The following KIF1A variants were observed in gnomAD, a reference collection of about 807,000 sequenced individuals.
The protein encoded by KIF1A is kinesin-like protein KIF1A.
Under a neutral mutation model 227.3 loss-of-function variants are expected in KIF1A, and 46 were observed. The ratio of observed to expected loss-of-function variants is 0.20; its 90% CI spans 0.16 to 0.26. The LOEUF is 0.26. Among genes scored for constraint, KIF1A ranks in the 10% least tolerant of loss-of-function variants. KIF1A has a pLI of 1.00. For synonymous variants in KIF1A, 1,022 were observed against 1,012.8 expected (o/e 1.01, Z -0.17); for missense variants, 1,683 against 2,485.9 (o/e 0.68, Z 6.87).
In KIF1A at chr2:240,739,415, C is replaced by A. The variant is rs1239498056; in HGVS notation, c.3901+643G>T. Among the ~76,000 whole-genome samples, 1 of 152,158 alleles carries A rather than the reference C, an allele frequency of 6.6e-6. No homozygotes were observed. Among genetic ancestry groups the A allele is most frequent in the Non-Finnish European group, 1.5e-5 (1 of 68,038 alleles). On this transcript the variant is annotated intron_variant, in intron 37 of 48. Coordinates refer to ENST00000498729, the MANE Select transcript of KIF1A (RefSeq NM_001244008.2). The surrounding 1 kb of genome is among the most constrained non-coding windows in gnomAD (Gnocchi z 5.6). ...GTGATGGTTATGGGAGGAATTGTGT[C>A]CCCGAAAAATATACGTGGAAGTCCT...
intron 1 of KIF1A, 146 bp from the exon 2 acceptor site, chr2:240,797,958 G>A (rs1402769723): frequency 1.5e-5 from 8 of 529,362 alleles, no homozygotes; most frequent in African/African-American, 3.8e-5. Context: ...CACAAGGAGA[G>A]GAGGCAGCGC....
intron 4 of KIF1A, among the ~76,000 whole-genome samples, chr2:240,787,685 T>C (rs1049315424): frequency 1.3e-5 from 2 of 152,170 alleles, no homozygotes; most frequent in Admixed American, 1.3e-4. Context: ...AATGAGGAGC[T>C]GCTGGGTCTG....
chr2:240,734,413 G>A, intron 38 of KIF1A, among the ~76,000 whole-genome samples: 1 of 152,192 alleles, frequency 6.6e-6, no homozygotes, highest in African/African-American at 2.4e-5. Flanking sequence ...GGCAGGAGGA[G>A]CAGGAGGCCA....
intron 28 of KIF1A, among the ~76,000 whole-genome samples, chr2:240,748,982 G>A (rs1036107693): frequency 2.0e-5 from 3 of 152,050 alleles, no homozygotes; most frequent in Admixed American, 6.6e-5. Context: ...TTAGCTGGGC[G>A]TGATGACGCA....
intron 27 of KIF1A, among the ~76,000 whole-genome samples, chr2:240,755,330 G>A (rs2049717189): frequency 6.6e-6 from 1 of 152,264 alleles, no homozygotes; most frequent in South Asian, 2.1e-4. Flanking sequence ...GAGGCAGACA[G>A]AGCGAGGGCT....
intron 9 of KIF1A, 22 bp from the exon 10 acceptor site, chr2:240,782,629 G>A (rs1345116772): frequency 2.6e-6 from 4 of 1,546,322 alleles, no homozygotes; most frequent in South Asian, 2.4e-5. Context: ...AAGACAGAGA[G>A]AGGCTGAGGC....
chr2:240,796,181 GTTCGCACCTGAGGTCACAT>G (rs1364785616), intron 2 of KIF1A, among the ~76,000 whole-genome samples: 1 of 152,196 alleles, frequency 6.6e-6, no homozygotes, highest in Non-Finnish European at 1.5e-5. Flanking sequence ...CAGAGCCATG[GTTCGCACCTGAGGTCACAT>G]TTCCCACCTG....
At chr2:240,772,622 G>C in intron 13 of KIF1A, 26 bp from the exon 14 acceptor site, 9 of 1,523,578 alleles carry the variant, frequency 5.9e-6, no homozygotes, top group South Asian at 1.2e-5. Context: ...GCGTGGGGGA[G>C]GGGGAGAGAC....
chr2:240,720,462 T>G (rs1329424304), intron 45 of KIF1A, among the ~76,000 whole-genome samples: 18 of 152,146 alleles, frequency 1.2e-4, no homozygotes. Flanking sequence ...TTAAGGCGCT[T>G]AAAACAAGAG....
intron 12 of KIF1A, among the ~76,000 whole-genome samples, 158 bp downstream of exon 12, chr2:240,774,025 G>A (rs1477441614): frequency 2.0e-5 from 3 of 152,222 alleles, no homozygotes; most frequent in East Asian, 1.9e-4. Flanking sequence ...GCAGGCCCAG[G>A]AGCCTCAGAA....
intron 1 of KIF1A, among the ~76,000 whole-genome samples, chr2:240,810,011 G>C (rs566024713): frequency 2.6e-4 from 40 of 151,234 alleles, no homozygotes; most frequent in Admixed American, 5.9e-4. Flanking sequence ...ATAGGGTTTC[G>C]CCACATTGGC....
rs2055333443 is a variant in KIF1A at position 240,789,172 on chromosome 2, C to T, written c.183+64G>A. 2 of 1,339,902 alleles carry T rather than the reference C, an allele frequency of 1.5e-6. No individual in the cohort carries two copies. Among genetic ancestry groups the T allele is most frequent in the Non-Finnish European group, 2.1e-6 (2 of 933,488 alleles). The allele number at this position is 1,339,902 out of a possible 1,614,324, so 83.0% of individuals were successfully genotyped here. ...GAGCGGCTCAGAGAAGTTGAGGGAC[C>T]CCGAGGGCCACATGGCCTATGCACT... is the stretch of plus-strand genomic sequence containing the variant. On this transcript the variant is annotated intron_variant, in intron 3 of 48. Transcript: ENST00000498729. This position sits in a 1 kb window ranked among gnomAD's most constrained non-coding sequence, Gnocchi z 4.8.
In KIF1A at chr2:240,726,542, C is replaced by T. The variant is rs1575527043; in HGVS notation, c.4122+284G>A. Among the ~76,000 whole-genome samples the T allele has an allele frequency of 2.0e-5, 3 of 151,970 alleles. No homozygotes were observed. Among genetic ancestry groups the T allele is most frequent in the Admixed American group, 1.3e-4 (2 of 15,254 alleles). ...AGGAGAATCGCTTGAGCCTGGGAAG[C>T]GGAGGTTGCAGTGAGACTGCGCCAT... On this transcript the variant is annotated intron_variant, in intron 39 of 48. Coordinates refer to ENST00000498729, the MANE Select transcript of KIF1A (RefSeq NM_001244008.2). The surrounding 1 kb of genome is among the most constrained non-coding windows in gnomAD (Gnocchi z 5.2).
intron 34 of KIF1A, 130 bp downstream of exon 34, chr2:240,742,799 G>A: frequency 2.5e-6 from 2 of 797,830 alleles, no homozygotes; most frequent in Non-Finnish European, 4.1e-6. Context: ...GGCTCAGGGT[G>A]GCGCCAGAGT....
At chr2:240,809,282 T>C (rs1176028737) in intron 1 of KIF1A, among the ~76,000 whole-genome samples, 1 of 152,052 alleles carries the variant, frequency 6.6e-6, no homozygotes, top group African/African-American at 2.4e-5. Flanking sequence ...ATAACAAGTC[T>C]GAAGAAGAAG....
At chr2:240,813,042 T>TCACCTCAGGGATCAGCCTTCACCTC (rs1553642834) in intron 1 of KIF1A, among the ~76,000 whole-genome samples, 31 of 149,328 alleles carry the variant, frequency 2.1e-4, no homozygotes, top group Non-Finnish European at 2.9e-4. Context: ...AGGATCCACT[T>TCACCTCAGGGATCAGCCTTCACCTC]GCTCCCAGTT....
intron 23 of KIF1A, 86 bp from the exon 24 acceptor site, chr2:240,761,463 G>A: frequency 2.3e-5 from 31 of 1,346,392 alleles, no homozygotes; most frequent in South Asian, 7.9e-5. Flanking sequence ...CAGGCTGGTC[G>A]GCCACTCCAT....
At chr2:240,773,069 G>T (rs1349630905) in intron 13 of KIF1A, 45 bp downstream of exon 13, 4 of 1,554,950 alleles carry the variant, frequency 2.6e-6, no homozygotes, top group Admixed American at 3.8e-5. Flanking sequence ...CCCTGAGCCT[G>T]AGGCCCCACA....
chr2:240,782,551 C>G lies in KIF1A; in HGVS notation c.882+39G>C, dbSNP rs373273207. ...AATGCAGGGCAGACACCGCCACCAG[C>G]CTCCCGCACCTGCCCCGGGGCTGAA... On this transcript the variant is annotated intron_variant, in intron 10 of 48. Coordinates refer to ENST00000498729, the MANE Select transcript of KIF1A (RefSeq NM_001244008.2). The G allele has an allele frequency of 8.6e-5, 134 of 1,549,298 alleles. No individual in the cohort carries two copies. The African/African-American group carries it at 1.8e-3, about 20-fold the overall frequency.
Sources: allele counts gnomAD v4.1 joint callset (sites outside exome capture counted in the v4.1 genomes callset), GRCh38; gene constraint gnomAD v4.1.1; non-coding constraint Gnocchi (gnomAD v3.1); transcripts MANE v1.5; gene names NCBI Gene and HGNC (gene_info 2026-07-23, HGNC 2026-07-21).